EYS: variants seen among roughly 807,000 people sequenced by gnomAD.
EYS encodes the protein protein eyes shut homolog.
In EYS, 250 loss-of-function variants were observed where a neutral mutation model predicts 282.1. The ratio of observed to expected loss-of-function variants is 0.89; its 90% CI spans 0.80 to 0.98. The LOEUF (loss-of-function observed/expected upper bound fraction) is 0.98. Ranked by LOEUF, EYS falls within the 50% of genes least tolerant of loss-of-function variation. The pLI, the probability that EYS is intolerant of heterozygous loss-of-function variation, is 0.00. For synonymous variants in EYS, 1,355 were observed against 1,282.9 expected (o/e 1.06, Z -1.20); for missense variants, 4,016 against 3,709.0 (o/e 1.08, Z -2.15).
intron 29 of EYS, among the ~76,000 whole-genome samples, chr6:64,387,263 T>G (rs1311455635): frequency 2.0e-5 from 3 of 152,108 alleles, no homozygotes; most frequent in Non-Finnish European, 4.4e-5. Flanking sequence ...AATTTCTAAT[T>G]ACAACTCCTC....
chr6:65,058,309 C>G (rs1220012254), intron 12 of EYS, among the ~76,000 whole-genome samples: 1 of 151,974 alleles, frequency 6.6e-6, no homozygotes, highest in Non-Finnish European at 1.5e-5. Context: ...CACCACCATG[C>G]CAGGCTAATC....
chr6:64,926,948 A>G (rs1768537784), intron 15 of EYS, among the ~76,000 whole-genome samples: 1 of 152,210 alleles, frequency 6.6e-6, no homozygotes, highest in Non-Finnish European at 1.5e-5. Flanking sequence ...ATTTTTTTAC[A>G]AAAGAAAGCA....
intron 14 of EYS, among the ~76,000 whole-genome samples, chr6:64,956,527 A>G (rs912839509): frequency 6.6e-6 from 1 of 152,132 alleles, no homozygotes; most frequent in Non-Finnish European, 1.5e-5. Context: ...CATTGGTCAA[A>G]TATTTCTTGA....
intron 12 of EYS, among the ~76,000 whole-genome samples, chr6:65,115,776 A>ATATTT (rs60560844): frequency 0.26 from 39,677 of 151,816 alleles, 6,336 homozygotes; most frequent in African/African-American, 0.45. Flanking sequence ...TAAAAGACAT[A>ATATTT]GATTAGATTT....
chr6:64,602,050 A>G (rs905194357), intron 24 of EYS, among the ~76,000 whole-genome samples: 4 of 152,142 alleles, frequency 2.6e-5, no homozygotes, highest in Non-Finnish European at 5.9e-5. Flanking sequence ...TACTATCTAC[A>G]TTATTTTTCT....
chr6:64,772,294 A>G (rs1773549191), intron 22 of EYS, among the ~76,000 whole-genome samples: 1 of 151,660 alleles, frequency 6.6e-6, no homozygotes, highest in Non-Finnish European at 1.5e-5. Context: ...GTTTGTGAAC[A>G]TGGTTGTCTA....
chr6:65,383,251 A>G (rs934394228), intron 8 of EYS, among the ~76,000 whole-genome samples: 1 of 151,630 alleles, frequency 6.6e-6, no homozygotes, highest in Non-Finnish European at 1.5e-5. Flanking sequence ...TCTTTTTTTT[A>G]GTTTTCAGCA....
intron 40 of EYS, among the ~76,000 whole-genome samples, chr6:63,763,707 TC>T (rs1311238008): frequency 1.3e-5 from 2 of 151,748 alleles, no homozygotes; most frequent in Non-Finnish European, 2.9e-5. Flanking sequence ...TTCTGAGGCC[TC>T]CCCAGCCATG....
intron 36 of EYS, among the ~76,000 whole-genome samples, chr6:63,810,813 C>T (rs574425597): frequency 5.2e-4 from 79 of 152,266 alleles, no homozygotes; most frequent in Middle Eastern, 6.8e-3. Context: ...TTAATGCTTC[C>T]TCTCTCCTCA....
chr6:65,213,545 A>C (rs745533432), intron 12 of EYS, among the ~76,000 whole-genome samples: 1 of 152,092 alleles, frequency 6.6e-6, no homozygotes, highest in Non-Finnish European at 1.5e-5. Context: ...CAAACTTTTC[A>C]TTATTATTTT....
chr6:63,874,722 T>C (rs991368123), intron 35 of EYS, among the ~76,000 whole-genome samples: 11 of 152,320 alleles, frequency 7.2e-5, no homozygotes, highest in African/African-American at 2.6e-4. Context: ...TATTTTATTC[T>C]CTTTGAAGCA....
At chr6:65,268,083 TA>T (rs1480552618) in intron 12 of EYS, among the ~76,000 whole-genome samples, 1 of 152,076 alleles carries the variant, frequency 6.6e-6, no homozygotes, top group Non-Finnish European at 1.5e-5. Context: ...ATTCACAATG[TA>T]AAAATGCTGT....
intron 22 of EYS, among the ~76,000 whole-genome samples, chr6:64,710,983 GAA>G (rs1448406729): frequency 6.6e-6 from 1 of 152,246 alleles, no homozygotes; most frequent in African/African-American, 2.4e-5. Context: ...TCTGTGGACA[GAA>G]AAAGAGTATT....
chr6:63,772,447 T>C (rs778357743), intron 40 of EYS, among the ~76,000 whole-genome samples: 1 of 152,138 alleles, frequency 6.6e-6, no homozygotes, highest in Non-Finnish European at 1.5e-5. Context: ...TTTATATATA[T>C]CTATGTGTTA....
chr6:64,587,059 A>T (rs1204407820), intron 26 of EYS, among the ~76,000 whole-genome samples: 1 of 152,116 alleles, frequency 6.6e-6, no homozygotes, highest in Non-Finnish European at 1.5e-5. Flanking sequence ...AATTTAATAG[A>T]GCTGTCACCG....
At chr6:64,060,443 C>T (rs1270788161) in intron 33 of EYS, among the ~76,000 whole-genome samples, 1 of 151,878 alleles carries the variant, frequency 6.6e-6, no homozygotes, top group Non-Finnish European at 1.5e-5. Flanking sequence ...TGTCTGAGAG[C>T]CTTTAACAAA....
At chr6:65,025,149 T>G (rs1245283665) in intron 13 of EYS, among the ~76,000 whole-genome samples, 1 of 152,202 alleles carries the variant, frequency 6.6e-6, no homozygotes, top group Admixed American at 6.5e-5. Context: ...GTACCTATCA[T>G]AAAATTAAAA....
At chr6:65,643,433 T>A (rs1442237784) in intron 1 of EYS, among the ~76,000 whole-genome samples, 1 of 152,214 alleles carries the variant, frequency 6.6e-6, no homozygotes, top group Non-Finnish European at 1.5e-5. Flanking sequence ...TACCACCCGG[T>A]GGTCTTTCTC....
chr6:65,106,012 G>C (rs369109140), intron 12 of EYS, among the ~76,000 whole-genome samples: 9 of 151,992 alleles, frequency 5.9e-5, no homozygotes, highest in African/African-American at 2.2e-4. Context: ...GTGTTAGCAG[G>C]CTAGTTCTTA....
Sources: allele counts gnomAD v4.1 joint callset (sites outside exome capture counted in the v4.1 genomes callset), GRCh38; gene constraint gnomAD v4.1.1; transcripts MANE v1.5; gene names NCBI Gene and HGNC (gene_info 2026-07-23, HGNC 2026-07-21).